Variants in ZCCHC24 observed in about 807,000 individuals in gnomAD.
ZCCHC24 encodes zinc finger CCHC-type containing 24.
Under a neutral mutation model 26.2 loss-of-function variants are expected in ZCCHC24, and 10 were observed. The ratio of observed to expected loss-of-function variants is 0.38; its 90% confidence interval spans 0.24 to 0.65. The LOEUF (loss-of-function observed/expected upper bound fraction) is 0.65. Among genes scored for constraint, ZCCHC24 ranks in the 30% least tolerant of loss-of-function variants. The pLI, the probability that ZCCHC24 is intolerant of heterozygous loss-of-function variation, is 0.54. For missense variants in ZCCHC24, 243 were observed against 329.1 expected (o/e 0.74, Z 2.03); for synonymous variants, 144 against 147.1 (o/e 0.98, Z 0.15).
intron 2 of ZCCHC24, among the ~76,000 whole-genome samples, chr10:79,427,508 A>G (rs896716740): frequency 1.3e-5 from 2 of 151,962 alleles, no homozygotes; most frequent in Non-Finnish European, 2.9e-5. Context: ...ACCACAATGG[A>G]ATAAGGTTAG....
intron 2 of ZCCHC24, among the ~76,000 whole-genome samples, chr10:79,403,872 G>T (rs1030417091): frequency 1.1e-4 from 16 of 152,084 alleles, no homozygotes; most frequent in Admixed American, 7.2e-4. Context: ...ACCCTGGGGA[G>T]GGGGGCATGG....
In ZCCHC24 at chr10:79,385,776, G is replaced by T. The variant is rs913013414; in HGVS notation, c.*569C>A. ...TGCAATGCCAGTGATGTCAGAGGGG[G>T]TCTGGATTTGGGGCTTAAGGTGGGC... On this transcript the variant is annotated 3_prime_UTR_variant, in exon 4 of 4. Coordinates refer to ENST00000372336, the MANE Select transcript of ZCCHC24 (RefSeq NM_153367.4). This position sits in a 1 kb window ranked among gnomAD's most constrained non-coding sequence, Gnocchi z 4.3. 5.1e-5 allele frequency: 9 copies of T among 175,842 alleles called. No individual in the cohort carries two copies. The highest frequency in any genetic ancestry group is 9.5e-5 in the Non-Finnish European group (8 of 84,010). The allele number at this position is 175,842 out of a possible 1,614,324, so 10.9% of individuals were successfully genotyped here. A position where few individuals can be genotyped will look rare whatever the true frequency, so the allele number is the denominator to read the frequency against.
At position 79,387,336 on chromosome 10, in the gene ZCCHC24, G is replaced by A. The variant is rs571963953; in HGVS notation, c.613-878C>T. 8.5e-5 allele frequency among the ~76,000 whole-genome samples: 13 copies of A among 152,304 alleles called. No homozygotes were observed. The South Asian group carries it at 2.7e-3, about 32-fold the overall frequency. ...GGAGGATCCAGAGAGACGTCTGGGAGTGTGTGAACTGGACAGCGGAAGGCA... is the reference window on the plus strand; with the variant it reads ...GGAGGATCCAGAGAGACGTCTGGGAATGTGTGAACTGGACAGCGGAAGGCA... On this transcript the variant is annotated intron_variant, in intron 3 of 3. Transcript: ENST00000372336.
chr10:79,411,895 A>T (rs375409586), intron 2 of ZCCHC24, among the ~76,000 whole-genome samples: 15 of 152,008 alleles, frequency 9.9e-5, no homozygotes, highest in African/African-American at 3.6e-4. Flanking sequence ...CCAGGGCAGG[A>T]CCCCCAGCAA....
Position 79,382,555 on chromosome 10 carries a change from C to G in ZCCHC24, c.*3790G>C, listed in dbSNP as rs1856335712. The G allele has an allele frequency of 1.3e-5, 2 of 152,852 alleles. No individual in the cohort carries two copies. The highest frequency in any genetic ancestry group is 2.9e-5 in the Non-Finnish European group (2 of 68,134). The allele number at this position is 152,852 out of a possible 1,614,324, so 9.5% of individuals were successfully genotyped here. On this transcript the variant is annotated 3_prime_UTR_variant, in exon 4 of 4. Transcript: ENST00000372336. ...ACAGACACAGACACGGACGGGGTCA[C>G]CGCATGGGGGCGGAGGAGGTCGGAC...
intron 2 of ZCCHC24, among the ~76,000 whole-genome samples, chr10:79,395,567 G>A (rs1856535270): frequency 6.6e-6 from 1 of 152,178 alleles, no homozygotes; most frequent in Admixed American, 6.5e-5. Flanking sequence ...TTCCATATCA[G>A]CATCAACAGA....
chr10:79,402,432 C>T (rs1166150237), intron 2 of ZCCHC24, among the ~76,000 whole-genome samples: 4 of 152,154 alleles, frequency 2.6e-5, no homozygotes, highest in Non-Finnish European at 4.4e-5. Flanking sequence ...CCCGCCACCA[C>T]GCCCGGCTAA....
intron 2 of ZCCHC24, among the ~76,000 whole-genome samples, chr10:79,428,391 T>G (rs990416493): frequency 9.3e-6 from 1 of 107,044 alleles, no homozygotes; most frequent in Non-Finnish European, 2.0e-5. Flanking sequence ...ATGGGTACAG[T>G]ATTTCAGTTT....
At position 79,436,408 on chromosome 10, in the gene ZCCHC24, G is replaced by A. The variant is rs79947059; in HGVS notation, c.247-3650C>T. 9.2e-5 allele frequency among the ~76,000 whole-genome samples: 14 copies of A among 152,286 alleles called. No individual in the cohort carries two copies. In the East Asian group the frequency reaches 2.7e-3, roughly 29 times the overall value. On this transcript the variant is annotated intron_variant, in intron 1 of 3. Coordinates refer to ENST00000372336, the MANE Select transcript of ZCCHC24 (RefSeq NM_153367.4). ...GAAAAGCACAGATCCAGGTGCTCCT[G>A]AAGCACCCCCGGCCATAGAGGCCCC...
At chr10:79,440,569 C>T (rs1313916779) in intron 1 of ZCCHC24, among the ~76,000 whole-genome samples, 3 of 152,174 alleles carry the variant, frequency 2.0e-5, no homozygotes, top group Non-Finnish European at 2.9e-5. Flanking sequence ...CAGGACGGGT[C>T]GCAGATGCAA....
chr10:79,437,853 AGTAGGTAGGCACAGCAG>A (rs1332230180), intron 1 of ZCCHC24, among the ~76,000 whole-genome samples: 1 of 152,212 alleles, frequency 6.6e-6, no homozygotes. Flanking sequence ...CCTGCAGGAC[AGTAGGTAGGCACAGCAG>A]GTGAGGGGTA....
chr10:79,394,292 A>G lies in ZCCHC24; in HGVS notation c.596T>C (p.Val199Ala). ...GQECIKCHIN[V>A]YPHKQRPLEK... ...CCGGCTCACCTGCTTGTGTGGATAC[A>G]CGTTGATGTGGCACTTGATGCACTC... Residue 199 changes from valine (V) to alanine (A), a missense_variant, in exon 3 of 4, where the codon GTG becomes GCG. Transcript: ENST00000372336. 1 of 1,614,040 alleles carries G rather than the reference A, an allele frequency of 6.2e-7. No individual in the cohort carries two copies.
intron 1 of ZCCHC24, among the ~76,000 whole-genome samples, chr10:79,442,791 A>G (rs1333405553): frequency 1.3e-5 from 2 of 152,082 alleles, no homozygotes; most frequent in Non-Finnish European, 2.9e-5. Flanking sequence ...TTGGAGCCAT[A>G]TTAGGTCACC....
chr10:79,420,232 T>A (rs887218406), intron 2 of ZCCHC24, among the ~76,000 whole-genome samples: 41 of 151,870 alleles, frequency 2.7e-4, no homozygotes, highest in African/African-American at 9.2e-4. Context: ...CACAGCAGAG[T>A]CCCCCCAGCA....
chr10:79,432,514 A>C, intron 2 of ZCCHC24, 44 bp downstream of exon 2: 1 of 1,573,624 alleles, frequency 6.4e-7, no homozygotes, highest in Non-Finnish European at 8.6e-7. Context: ...TCCGCAGGTC[A>C]GTAGGGGAGC....
At chr10:79,407,482 G>GC (rs1284516498) in intron 2 of ZCCHC24, among the ~76,000 whole-genome samples, 2 of 152,218 alleles carry the variant, frequency 1.3e-5, no homozygotes, top group Admixed American at 6.5e-5. Flanking sequence ...TTGGTACACT[G>GC]CACGCTGCTG....
At chr10:79,414,740 G>GAT (rs1252221148) in intron 2 of ZCCHC24, among the ~76,000 whole-genome samples, 1 of 152,178 alleles carries the variant, frequency 6.6e-6, no homozygotes, top group Non-Finnish European at 1.5e-5. Flanking sequence ...TGGGGAGCTA[G>GAT]GAATATGCCC....
intron 2 of ZCCHC24, among the ~76,000 whole-genome samples, chr10:79,395,482 G>T (rs1181177261): frequency 6.6e-6 from 1 of 152,226 alleles, no homozygotes; most frequent in Non-Finnish European, 1.5e-5. Flanking sequence ...CAATGGGTAT[G>T]AGCACCACTA....
chr10:79,413,589 T>G (rs1856820893), intron 2 of ZCCHC24, among the ~76,000 whole-genome samples: 1 of 152,164 alleles, frequency 6.6e-6, no homozygotes, highest in Non-Finnish European at 1.5e-5. Flanking sequence ...TATAGAAAGC[T>G]GATGGTTCTG....
Sources: gnomAD v4.1 joint callset for allele counts (sites outside exome capture counted in the v4.1 genomes callset) on GRCh38, gnomAD v4.1.1 for gene constraint, Gnocchi (gnomAD v3.1) non-coding constraint, MANE v1.5 for transcripts, NCBI Gene and HGNC (gene_info 2026-07-23, HGNC 2026-07-21) for gene names.